Variants in THSD7B observed in about 807,000 individuals in gnomAD.
THSD7B encodes the protein thrombospondin type-1 domain-containing protein 7B.
In THSD7B, 138 loss-of-function variants were observed where a neutral mutation model predicts 213.6. The ratio of observed to expected loss-of-function variants is 0.65; its 90% confidence interval spans 0.56 to 0.74. THSD7B has a LOEUF of 0.74. Ranked by LOEUF, THSD7B falls within the 30% of genes least tolerant of loss-of-function variation. The pLI, the probability that THSD7B is intolerant of heterozygous loss-of-function variation, is 0.00. For missense variants in THSD7B, 1,931 were observed against 1,991.5 expected, an observed-to-expected ratio of 0.97 and a Z score of 0.58; for synonymous variants, 742 against 687.0, an observed-to-expected ratio of 1.08 and a Z score of -1.25.
chr2:137,561,522 C>G (rs1467415583), intron 15 of THSD7B, among the ~76,000 whole-genome samples: 1 of 152,012 alleles, frequency 6.6e-6, no homozygotes, highest in Admixed American at 6.6e-5. Flanking sequence ...CAGGGAAAAT[C>G]CAAAAAGCTT....
chr2:136,803,993 C>G (rs1192391651), intron 1 of THSD7B, among the ~76,000 whole-genome samples: 1 of 152,162 alleles, frequency 6.6e-6, no homozygotes, highest in Admixed American at 6.5e-5. Flanking sequence ...TTCATCAATT[C>G]AAATGGTAAT....
rs975559881 is a variant in THSD7B at position 137,677,304 on chromosome 2, A to C, written c.*699A>C. 8 of 152,540 alleles carry C rather than the reference A, an allele frequency of 5.2e-5. No individual in the cohort carries two copies. Among genetic ancestry groups the C allele is most frequent in the African/African-American group, 1.7e-4 (7 of 41,412 alleles). 9.4% of individuals were successfully genotyped at this position (152,540 alleles called of 1,614,324 possible). A position where few individuals can be genotyped will look rare whatever the true frequency, so the allele number is the denominator to read the frequency against. On this transcript the variant is annotated 3_prime_UTR_variant, in exon 28 of 28. Coordinates refer to ENST00000409968, the MANE Select transcript of THSD7B (RefSeq NM_001316349.2). Reference sequence around the variant, plus strand: ...GAAGGGAATGTGTACTGAATGTTAGAGTGTACAAATGAAATATGTGGTTAA... The same window carrying C: ...GAAGGGAATGTGTACTGAATGTTAGCGTGTACAAATGAAATATGTGGTTAA...
In THSD7B at chr2:137,650,542, C is replaced by T. The variant is rs971806035; in HGVS notation, c.3946-4959C>T. Among the ~76,000 whole-genome samples the T allele has an allele frequency of 3.9e-5, 6 of 152,158 alleles. No individual in the cohort carries two copies. The South Asian group carries it at 1.0e-3, about 26-fold the overall frequency. On this transcript the variant is annotated intron_variant, in intron 21 of 27. Coordinates refer to ENST00000409968, the MANE Select transcript of THSD7B (RefSeq NM_001316349.2). The stretch of plus-strand genomic sequence containing the variant: ...TCATCTGCAAACAAGGCTAATTTGA[C>T]GTCTTCCTTTCCAACTTAGATGTCC...
At chr2:137,267,260 C>T (rs1682611109) in intron 10 of THSD7B, among the ~76,000 whole-genome samples, 1 of 152,146 alleles carries the variant, frequency 6.6e-6, no homozygotes, top group Admixed American at 6.6e-5. Context: ...TGAATTTAAA[C>T]TAGTTATTTA....
chr2:137,535,911 G>C (rs1169921473), intron 15 of THSD7B, among the ~76,000 whole-genome samples: 2 of 151,294 alleles, frequency 1.3e-5, no homozygotes, highest in African/African-American at 4.8e-5. Context: ...TCTTGTCATG[G>C]AGGAACAGTA....
intron 1 of THSD7B, among the ~76,000 whole-genome samples, chr2:136,876,690 A>G (rs763951772): frequency 6.6e-6 from 1 of 152,184 alleles, no homozygotes; most frequent in Non-Finnish European, 1.5e-5. Context: ...ATGTGTGTGT[A>G]TGTGCATAAA....
intron 12 of THSD7B, among the ~76,000 whole-genome samples, chr2:137,290,122 T>A (rs1046561262): frequency 6.6e-6 from 1 of 150,916 alleles, no homozygotes; most frequent in East Asian, 1.9e-4. Flanking sequence ...TTTTTTTTTT[T>A]TTTTTTTTAG....
chr2:137,595,387 G>A (rs1434509492), intron 17 of THSD7B, among the ~76,000 whole-genome samples: 2 of 151,912 alleles, frequency 1.3e-5, no homozygotes, highest in African/African-American at 4.8e-5. Flanking sequence ...CATAAGCCTT[G>A]ACATGCTTTC....
At chr2:137,032,319 T>C (rs1686691241) in intron 2 of THSD7B, among the ~76,000 whole-genome samples, 1 of 152,208 alleles carries the variant, frequency 6.6e-6, no homozygotes, top group East Asian at 1.9e-4. Context: ...CTTGCCTGTC[T>C]CTGCTTAAAT....
At chr2:137,587,648 G>A (rs938012354) in intron 17 of THSD7B, among the ~76,000 whole-genome samples, 1 of 152,232 alleles carries the variant, frequency 6.6e-6, no homozygotes, top group Non-Finnish European at 1.5e-5. Context: ...CTGCAGAACA[G>A]CGAATATTGC....
chr2:137,449,498 AG>A (rs1017406887), intron 14 of THSD7B, among the ~76,000 whole-genome samples: 32 of 152,198 alleles, frequency 2.1e-4, no homozygotes, highest in Non-Finnish European at 4.3e-4. Flanking sequence ...ATCAAGGTGT[AG>A]GCTAGGGTTG....
At chr2:137,428,604 G>A (rs76640761) in intron 14 of THSD7B, among the ~76,000 whole-genome samples, 350 of 152,018 alleles carry the variant, frequency 2.3e-3, no homozygotes, top group African/African-American at 7.6e-3. Context: ...ATATTATTTG[G>A]CAATTAAAAG....
chr2:137,368,998 A>G (rs1013879247), intron 12 of THSD7B, among the ~76,000 whole-genome samples: 1 of 152,068 alleles, frequency 6.6e-6, no homozygotes, highest in Non-Finnish European at 1.5e-5. Flanking sequence ...GAATGTTAGT[A>G]GTAACTAAAA....
At chr2:136,774,373 C>T (rs1487793579) in intron 1 of THSD7B, among the ~76,000 whole-genome samples, 1 of 151,962 alleles carries the variant, frequency 6.6e-6, no homozygotes, top group Non-Finnish European at 1.5e-5. Context: ...TTGATTCATT[C>T]CCTGGTAGGT....
chr2:136,840,009 C>T (rs556217607), intron 1 of THSD7B, among the ~76,000 whole-genome samples: 1 of 151,994 alleles, frequency 6.6e-6, no homozygotes, highest in Admixed American at 6.6e-5. Context: ...GCCTTAAAAC[C>T]CAGTTTAGTA....
chr2:136,818,506 C>G (rs952008487), intron 1 of THSD7B, among the ~76,000 whole-genome samples: 5 of 151,212 alleles, frequency 3.3e-5, no homozygotes, highest in Non-Finnish European at 5.9e-5. Flanking sequence ...ATGTAACTAA[C>G]CTGCACAATG....
chr2:137,055,832 T>C (rs1356706296), intron 2 of THSD7B, among the ~76,000 whole-genome samples: 1 of 152,214 alleles, frequency 6.6e-6, no homozygotes, highest in Non-Finnish European at 1.5e-5. Context: ...CTGCAAGTAC[T>C]AACCAAAACT....
chr2:137,509,252 T>C (rs1015571093), intron 15 of THSD7B, among the ~76,000 whole-genome samples: 2 of 151,248 alleles, frequency 1.3e-5, no homozygotes, highest in Non-Finnish European at 1.5e-5. Flanking sequence ...TCTTTTTCCT[T>C]CCTTCCTTCC....
chr2:136,923,404 T>C (rs756041178), intron 2 of THSD7B, among the ~76,000 whole-genome samples: 2 of 152,246 alleles, frequency 1.3e-5, no homozygotes, highest in African/African-American at 4.8e-5. Flanking sequence ...AATGCTGTAA[T>C]GTGCATGAGT....
Sources: allele counts gnomAD v4.1 joint callset (sites outside exome capture counted in the v4.1 genomes callset), GRCh38; gene constraint gnomAD v4.1.1; transcripts MANE v1.5; gene names NCBI Gene and HGNC (gene_info 2026-07-23, HGNC 2026-07-21).